FAM13A: variants seen among roughly 807,000 people sequenced by gnomAD.
FAM13A encodes the protein protein FAM13A.
Under a neutral mutation model 129.6 loss-of-function variants are expected in FAM13A, and 76 were observed. That is an observed-to-expected ratio of 0.59 (90% CI 0.49 to 0.71). The LOEUF (loss-of-function observed/expected upper bound fraction) is 0.71, where lower values mean the gene tolerates loss of function less well. FAM13A is among the 30% of genes least tolerant of loss of function. FAM13A has a pLI of 0.00. For missense variants in FAM13A, 1,108 were observed against 1,249.3 expected, an observed-to-expected ratio of 0.89 and a Z score of 1.70; for synonymous variants, 443 against 449.9, an observed-to-expected ratio of 0.98 and a Z score of 0.20.
intron 15 of FAM13A, 102 bp from the exon 16 acceptor site, chr4:88,750,011 T>G (rs1297675844): frequency 7.9e-7 from 1 of 1,263,896 alleles, no homozygotes; most frequent in Non-Finnish European, 1.1e-6. Flanking sequence ...GGTGGTGGGG[T>G]GGGGGCAGTG....
chr4:88,794,710 T>A (rs922556611), intron 8 of FAM13A, among the ~76,000 whole-genome samples: 4 of 151,848 alleles, frequency 2.6e-5, no homozygotes, highest in African/African-American at 9.7e-5. Flanking sequence ...TTCTCTAGGA[T>A]ATAATATTTA....
intron 6 of FAM13A, among the ~76,000 whole-genome samples, chr4:88,903,232 T>C (rs2150217824): frequency 6.6e-6 from 1 of 152,288 alleles, no homozygotes; most frequent in South Asian, 2.1e-4. Flanking sequence ...TTGATGTTCT[T>C]CAGAGAATTA....
intron 4 of FAM13A, among the ~76,000 whole-genome samples, chr4:88,972,156 CCTTT>C (rs1451182386): frequency 4.6e-5 from 7 of 152,164 alleles, no homozygotes; most frequent in Admixed American, 1.3e-4. Context: ...TGATGCTCTT[CCTTT>C]CTTTATGTAG....
intron 7 of FAM13A, among the ~76,000 whole-genome samples, chr4:88,834,055 ATTTTTTTTT>A (rs922832858): frequency 9.5e-5 from 8 of 84,218 alleles, no homozygotes; most frequent in African/African-American, 1.7e-4. Context: ...AGGCCTGGCT[ATTTTTTTTT>A]TTTTTTTTTT....
chr4:88,842,956 A>G (rs1296440282), intron 7 of FAM13A, among the ~76,000 whole-genome samples: 2 of 152,178 alleles, frequency 1.3e-5, no homozygotes, highest in Non-Finnish European at 2.9e-5. Context: ...AATATCGGAG[A>G]CTTTCATTTG....
At chr4:88,851,247 G>T in intron 6 of FAM13A, 64 bp from the exon 7 acceptor site, 4 of 1,387,736 alleles carry the variant, frequency 2.9e-6, no homozygotes, top group Non-Finnish European at 3.9e-6. Context: ...TTCAAATTAA[G>T]TTTATGATAA....
At chr4:88,946,259 C>G (rs1755830007) in intron 4 of FAM13A, among the ~76,000 whole-genome samples, 1 of 151,670 alleles carries the variant, frequency 6.6e-6, no homozygotes, top group Non-Finnish European at 1.5e-5. Context: ...AAACTGGACA[C>G]AGCAGTAGGG....
At chr4:88,866,440 A>G (rs1740461947) in intron 6 of FAM13A, among the ~76,000 whole-genome samples, 1 of 152,204 alleles carries the variant, frequency 6.6e-6, no homozygotes, top group South Asian at 2.1e-4. Context: ...TTGACCTCCC[A>G]AAGTTCTGGG....
At chr4:88,762,303 T>A (rs1043467901) in intron 13 of FAM13A, among the ~76,000 whole-genome samples, 1 of 152,184 alleles carries the variant, frequency 6.6e-6, no homozygotes, top group Non-Finnish European at 1.5e-5. Context: ...TAGACCTGTG[T>A]CAACTTACAT....
chr4:88,893,353 A>ACG, intron 6 of FAM13A, among the ~76,000 whole-genome samples: 1 of 152,356 alleles, frequency 6.6e-6, no homozygotes, highest in Non-Finnish European at 1.5e-5. Flanking sequence ...GGCTGGGTGC[A>ACG]GTGGCTCACG....
intron 5 of FAM13A, among the ~76,000 whole-genome samples, chr4:88,925,316 CAAT>C (rs1319508099): frequency 6.6e-6 from 1 of 151,798 alleles, no homozygotes; most frequent in Non-Finnish European, 1.5e-5. Flanking sequence ...AAATGTCCAA[CAAT>C]GATAGACTGG....
At chr4:88,979,380 A>T (rs1358239526) in intron 4 of FAM13A, among the ~76,000 whole-genome samples, 1 of 152,200 alleles carries the variant, frequency 6.6e-6, no homozygotes, top group Non-Finnish European at 1.5e-5. Flanking sequence ...TATGTTCAAG[A>T]ATAGTTCCTG....
At chr4:88,978,470 G>A (rs1401716904) in intron 4 of FAM13A, among the ~76,000 whole-genome samples, 1 of 152,158 alleles carries the variant, frequency 6.6e-6, no homozygotes, top group Non-Finnish European at 1.5e-5. Flanking sequence ...AATGACACAG[G>A]AAATATGTAT....
Position 89,057,108 on chromosome 4 carries a change from A to G in FAM13A, c.-144T>C. 1 of 1,468,260 alleles carries G rather than the reference A, an allele frequency of 6.8e-7. No homozygotes were observed. 91.0% of individuals were successfully genotyped at this position (1,468,260 alleles called of 1,614,324 possible). A position where few individuals can be genotyped will look rare whatever the true frequency, so the allele number is the denominator to read the frequency against. ...AAAGGCCCCAAGGTAAGCGAAGAGCAGCTTCTAACATTTTAGGAAGAGTGG... is the reference window on the plus strand; with the variant it reads ...AAAGGCCCCAAGGTAAGCGAAGAGCGGCTTCTAACATTTTAGGAAGAGTGG... On this transcript the variant is annotated 5_prime_UTR_variant, in exon 1 of 24. Coordinates refer to ENST00000264344, the MANE Select transcript of FAM13A (RefSeq NM_014883.4).
chr4:88,850,994 T>G, intron 7 of FAM13A, 26 bp downstream of exon 7: 1 of 1,610,568 alleles, frequency 6.2e-7, no homozygotes, highest in Non-Finnish European at 8.5e-7. Context: ...CAATATGGAT[T>G]GTGTAGATAA....
intron 1 of FAM13A, among the ~76,000 whole-genome samples, chr4:89,050,396 G>A (rs890429290): frequency 6.6e-6 from 1 of 151,714 alleles, no homozygotes; most frequent in African/African-American, 2.4e-5. Flanking sequence ...AGTAGAGATG[G>A]GGTTTTGTCA....
chr4:88,922,091 T>A (rs1397302503), intron 5 of FAM13A, among the ~76,000 whole-genome samples: 1 of 149,954 alleles, frequency 6.7e-6, no homozygotes, highest in South Asian at 2.1e-4. Context: ...GACTCCCACA[T>A]AATAATAATG....
intron 13 of FAM13A, chr4:88,759,284 C>T (rs929429926): frequency 3.9e-4 from 65 of 164,648 alleles, no homozygotes; most frequent in African/African-American, 1.5e-3. Context: ...GCTGTAGTAG[C>T]AACATGGTGT....
intron 2 of FAM13A, 118 bp downstream of exon 2, chr4:89,029,342 T>C (rs1768390255): frequency 1.2e-5 from 10 of 804,084 alleles, no homozygotes; most frequent in Middle Eastern, 2.3e-4. Flanking sequence ...TAACTTAATA[T>C]TCTAATGAAG....
Sources: allele counts gnomAD v4.1 joint callset (sites outside exome capture counted in the v4.1 genomes callset), GRCh38; gene constraint gnomAD v4.1.1; transcripts MANE v1.5; gene names NCBI Gene and HGNC (gene_info 2026-07-23, HGNC 2026-07-21).